Variants in ADA2 observed in about 807,000 individuals in gnomAD.
ADA2 encodes adenosine deaminase 2, also known as adenosine deaminase CECR1.
In ADA2, 29 loss-of-function variants were observed where a neutral mutation model predicts 44.2. That is an observed-to-expected ratio of 0.66 (90% CI 0.49 to 0.89). ADA2 has a LOEUF of 0.89. ADA2 is among the 40% of genes least tolerant of loss of function. The pLI is 0.00. For missense variants in ADA2, 637 were observed against 644.8 expected (o/e 0.99, Z 0.13); for synonymous variants, 215 against 234.9 (o/e 0.92, Z 0.77).
intron 6 of ADA2, 193 bp from the exon 7 acceptor site, chr22:17,188,640 G>C: frequency 4.8e-6 from 2 of 414,096 alleles, no homozygotes; most frequent in Non-Finnish European, 8.8e-6. Context: ...AGCACTTTGG[G>C]AGGCCGAGGC....
At chr22:17,195,843 C>T (rs1353758119) in intron 4 of ADA2, among the ~76,000 whole-genome samples, 1 of 151,412 alleles carries the variant, frequency 6.6e-6, no homozygotes, top group Non-Finnish European at 1.5e-5. Context: ...TCACTTTAAC[C>T]TCCACCTCCT....
At chr22:17,202,936 G>A (rs1284765723) in intron 4 of ADA2, among the ~76,000 whole-genome samples, 7 of 151,472 alleles carry the variant, frequency 4.6e-5, no homozygotes, top group East Asian at 3.9e-4. Flanking sequence ...GCTCATGCCC[G>A]GCTAATTTTT....
At chr22:17,188,868 A>AAAAAAAAAAAAAAAAAAAAAAAAAAATAT in intron 6 of ADA2, 4 of 81,178 alleles carry the variant, frequency 4.9e-5, no homozygotes, top group Admixed American at 1.3e-4. Flanking sequence ...AAGAGCAAAA[A>AAAAAAAAAAAAAAAAAAAAAAAAAAATAT]ATATATATAT....
chr22:17,219,661 G>GATTTTTTTTT (rs1178590006), upstream of ADA2: 2 of 125,658 alleles, frequency 1.6e-5, no homozygotes, highest in Non-Finnish European at 3.2e-5. Context: ...TGCATGTGGG[G>GATTTTTTTTT]TTTGTTTTTT....
chr22:17,212,539 GC>G, intron 1 of ADA2, among the ~76,000 whole-genome samples: 1 of 152,152 alleles, frequency 6.6e-6, no homozygotes, highest in South Asian at 2.1e-4. Context: ...CTCCCAAAGT[GC>G]TGGGATTACA....
intron 4 of ADA2, among the ~76,000 whole-genome samples, chr22:17,203,279 T>C (rs2062312535): frequency 6.6e-6 from 1 of 152,078 alleles, no homozygotes; most frequent in Non-Finnish European, 1.5e-5. Flanking sequence ...ATTCTCCTTC[T>C]CAGCTTATGT....
intron 5 of ADA2, 151 bp downstream of exon 5, chr22:17,191,532 C>G: frequency 2.4e-6 from 2 of 834,848 alleles, no homozygotes; most frequent in Non-Finnish European, 3.8e-6. Flanking sequence ...TAGGACTGTG[C>G]TCTCACACAG....
chr22:17,209,500 T>C lies in ADA2; in HGVS notation c.178A>G (p.Asn60Asp). ...ATTTTGAGCGTCATGAGCCTCTCAT[T>C]GGCCAGCTCCTCCTTGGTGTTCAGC... Reference protein sequence around the residue: ...LVLNTKEELANERLMTLKIAE... With the variant: ...LVLNTKEELADERLMTLKIAE... Residue 60 changes from asparagine (N) to aspartate (D), a missense_variant, in exon 2 of 10, where the codon AAT becomes GAT. Physicochemically the swap from Asn to Asp is conservative, Grantham distance 23 (BLOSUM62 1). Coordinates refer to ENST00000399837, the MANE Select transcript of ADA2 (RefSeq NM_001282225.2). The C allele has an allele frequency of 1.2e-6, 2 of 1,614,158 alleles. No homozygotes were observed. The highest frequency in any genetic ancestry group is 1.1e-5 in the South Asian group (1 of 91,084).
intron 7 of ADA2, among the ~76,000 whole-genome samples, chr22:17,186,475 G>A (rs1474069665): frequency 1.3e-5 from 2 of 151,810 alleles, no homozygotes; most frequent in Non-Finnish European, 2.9e-5. Context: ...CCAGCTACTC[G>A]GGAGGCTGAG....
intron 3 of ADA2, among the ~76,000 whole-genome samples, chr22:17,205,160 G>A (rs2062340016): frequency 6.6e-6 from 1 of 152,214 alleles, no homozygotes; most frequent in South Asian, 2.1e-4. Context: ...TGGGATTACA[G>A]GTGGCTGCCA....
chr22:17,199,443 C>CCCTCCCTCCCCTCCTCTATCCTCTTCT, intron 4 of ADA2: 2 of 1,094,318 alleles, frequency 1.8e-6, no homozygotes, highest in Non-Finnish European at 2.8e-6. Context: ...TATCCTCTTC[C>CCCTCCCTCCCCTCCTCTATCCTCTTCT]CCTCCACCCA....
At chr22:17,194,002 T>C (rs1156267610) in intron 4 of ADA2, among the ~76,000 whole-genome samples, 1 of 142,256 alleles carries the variant, frequency 7.0e-6, no homozygotes, top group Non-Finnish European at 1.5e-5. Flanking sequence ...AGTGAGTTCC[T>C]GTCTGTAAAA....
chr22:17,221,341 G>A (rs1409079657), upstream of ADA2, among the ~76,000 whole-genome samples: 1 of 152,024 alleles, frequency 6.6e-6, no homozygotes, highest in Non-Finnish European at 1.5e-5. Context: ...ACAATGTGCA[G>A]GTTTGATACA....
chr22:17,199,760 T>C (rs2062250606), intron 4 of ADA2: 11 of 1,449,142 alleles, frequency 7.6e-6, no homozygotes, highest in Non-Finnish European at 1.0e-5. Flanking sequence ...CTCTTTGACC[T>C]TTCCAGGCTT....
Position 17,201,077 on chromosome 22 carries a change from T to C in ADA2, c.753+2486A>G, listed in dbSNP as rs556556135. Among the ~76,000 whole-genome samples, 252 of 151,836 alleles carry C rather than the reference T, an allele frequency of 1.7e-3. 2 individuals carry two copies. The highest frequency in any genetic ancestry group is 5.6e-3 in the African/African-American group (231 of 41,410). On this transcript the variant is annotated intron_variant, in intron 4 of 9. Transcript: ENST00000399837. ...ACAAAAAATTAGCCAGGCATGGTGG[T>C]GTGCATCTGTAGTCCCAGCTACTCG...
chr22:17,194,412 G>A (rs2123665329), intron 4 of ADA2, among the ~76,000 whole-genome samples: 1 of 152,314 alleles, frequency 6.6e-6, no homozygotes, highest in South Asian at 2.1e-4. Flanking sequence ...GCCATTGTGT[G>A]TCCTTTGTCT....
intron 1 of ADA2, among the ~76,000 whole-genome samples, chr22:17,210,950 G>A (rs190205650): frequency 4.6e-5 from 7 of 152,126 alleles, no homozygotes; most frequent in Admixed American, 2.0e-4. Flanking sequence ...AGGCTGAAGC[G>A]GGAGCATCAC....
At chr22:17,218,969 C>T (rs1601473274) in intron 1 of ADA2, among the ~76,000 whole-genome samples, 1 of 152,096 alleles carries the variant, frequency 6.6e-6, no homozygotes, top group Non-Finnish European at 1.5e-5. Context: ...CCAGCCTGGC[C>T]AACACGGTGA....
At chr22:17,198,659 C>G (rs3788277) in intron 4 of ADA2, 7,461 of 152,238 alleles carry the variant, frequency 0.049, 235 homozygotes, top group East Asian at 0.13. Context: ...TCTCTGCCAC[C>G]GACGTGTCTC....
Sources: allele counts gnomAD v4.1 joint callset (sites outside exome capture counted in the v4.1 genomes callset), GRCh38; gene constraint gnomAD v4.1.1; transcripts MANE v1.5; gene names NCBI Gene and HGNC (gene_info 2026-07-23, HGNC 2026-07-21).